Variants in COBLL1 observed in about 807,000 individuals in gnomAD.
COBLL1 encodes cordon-bleu protein-like 1.
COBLL1 carries 50 observed loss-of-function variants against 94.8 expected under a neutral mutation model. The ratio of observed to expected loss-of-function variants is 0.53; its 90% CI spans 0.42 to 0.67. The LOEUF (loss-of-function observed/expected upper bound fraction) is 0.67. Ranked by LOEUF, COBLL1 falls within the 30% of genes least tolerant of loss-of-function variation. The pLI is 0.00. For synonymous variants in COBLL1, 448 were observed against 473.8 expected, an observed-to-expected ratio of 0.95 and a Z score of 0.71; for missense variants, 1,362 against 1,348.7, an observed-to-expected ratio of 1.01 and a Z score of -0.15.
At chr2:164,697,393 G>A (rs1314757754) in intron 11 of COBLL1, 1 of 151,990 alleles carries the variant, frequency 6.6e-6, no homozygotes, top group Admixed American at 6.6e-5. Context: ...CATAGAAGAG[G>A]CACATTTCTG....
chr2:164,803,793 C>A (rs1683947893), intron 2 of COBLL1, among the ~76,000 whole-genome samples: 2 of 151,898 alleles, frequency 1.3e-5, no homozygotes, highest in South Asian at 2.1e-4. Flanking sequence ...GTAGTAAGCC[C>A]TAGAGGTACT....
Position 164,694,642 on chromosome 2 carries a change from GAA to G in COBLL1, c.2748_2749del (p.Pro918LeufsTer3). The G allele has an allele frequency of 1.2e-6, 2 of 1,613,852 alleles. No individual in the cohort carries two copies. The highest frequency in any genetic ancestry group is 8.5e-7 in the Non-Finnish European group (1 of 1,179,948). On this transcript the variant is annotated frameshift_variant, in exon 12 of 14. Coordinates refer to ENST00000652658, the MANE Select transcript of COBLL1 (RefSeq NM_001365672.2). LOFTEE classifies it high-confidence loss of function. ...AGAGTGAGGCATTTTACTTAAGGGAGAAAGAGTCTGCTCCGGAGAAGGCAGCA... is the reference window on the plus strand; with the variant it reads ...AGAGTGAGGCATTTTACTTAAGGGAGAGAGTCTGCTCCGGAGAAGGCAGCA...
At chr2:164,662,771 A>C (rs1431157041) in intron 2 of COBLL1, among the ~76,000 whole-genome samples, 1 of 152,044 alleles carries the variant, frequency 6.6e-6, no homozygotes. Context: ...AACTCCCCTC[A>C]CATTCTCTCT....
At chr2:164,693,230 T>C (rs1444567854) in intron 12 of COBLL1, among the ~76,000 whole-genome samples, 4 of 152,150 alleles carry the variant, frequency 2.6e-5, no homozygotes, top group African/African-American at 9.6e-5. Context: ...ACAGGCTTTG[T>C]GCCCAAGTAA....
chr2:164,700,797 C>T (rs756202894), intron 9 of COBLL1, 41 bp from the exon 10 acceptor site: 13 of 1,241,532 alleles, frequency 1.0e-5, no homozygotes, highest in African/African-American at 1.5e-5. Context: ...ATTAATTTGC[C>T]TCATTCATCA....
chr2:164,841,755 C>A lies in COBLL1; in HGVS notation c.-96G>T. 1.9e-6 allele frequency: 1 copy of A among 537,270 alleles called. No homozygotes were observed. Among genetic ancestry groups the A allele is most frequent in the Non-Finnish European group, 3.3e-6 (1 of 307,412 alleles). The allele number at this position is 537,270 out of a possible 1,614,324, so 33.3% of individuals were successfully genotyped here. A position where few individuals can be genotyped will look rare whatever the true frequency, so the allele number is the denominator to read the frequency against. On this transcript the variant is annotated 5_prime_UTR_variant, in exon 1 of 14. Transcript: ENST00000652658. The surrounding 1 kb of genome is among the most constrained non-coding windows in gnomAD (Gnocchi z 5.5). Reference sequence around the variant, plus strand: ...GTAGCTCGCCTGTTCTCCCTCGCGGCTTCCTCTCCTACTCTTCCCTTCCCC... The same window carrying A: ...GTAGCTCGCCTGTTCTCCCTCGCGGATTCCTCTCCTACTCTTCCCTTCCCC...
chr2:164,815,370 G>T (rs1372796026), intron 2 of COBLL1, among the ~76,000 whole-genome samples: 1 of 147,728 alleles, frequency 6.8e-6, no homozygotes, highest in Non-Finnish European at 1.5e-5. Context: ...CTGCACTCCA[G>T]CCTGGGGGAC....
In COBLL1 at chr2:164,759,776, C is replaced by T. The variant is rs916140613; in HGVS notation, c.42-15901G>A. 2.6e-5 allele frequency among the ~76,000 whole-genome samples: 4 copies of T among 152,146 alleles called. No individual in the cohort carries two copies. In the South Asian group the frequency reaches 8.3e-4, roughly 32 times the overall value. On this transcript the variant is annotated intron_variant, in intron 2 of 13. Coordinates refer to ENST00000652658, the MANE Select transcript of COBLL1 (RefSeq NM_001365672.2). The stretch of plus-strand genomic sequence containing the variant: ...TGTAAACTCGTTACCAACGAGGGTA[C>T]ACGAATGGCAAATAGACACACAAAA...
At position 164,841,023 on chromosome 2, in the gene COBLL1, GC is replaced by G; in HGVS notation, c.41+132del. 2.0e-6 allele frequency: 2 copies of G among 986,252 alleles called. No individual in the cohort carries two copies. The highest frequency in any genetic ancestry group is 2.6e-6 in the Non-Finnish European group (2 of 766,400). The allele number at this position is 986,252 out of a possible 1,614,324, so 61.1% of individuals were successfully genotyped here. On this transcript the variant is annotated intron_variant, in intron 2 of 13. Coordinates refer to ENST00000652658, the MANE Select transcript of COBLL1 (RefSeq NM_001365672.2). This position sits in a 1 kb window ranked among gnomAD's most constrained non-coding sequence, Gnocchi z 5.5. Reference sequence around the variant, plus strand: ...CCGGGAGGAAGCAGCCTCCCCGGCCGCGTGGAGGACAGTCAGTGAGTCAGGC... The same window carrying G: ...CCGGGAGGAAGCAGCCTCCCCGGCCGGTGGAGGACAGTCAGTGAGTCAGGC...
chr2:164,795,832 A>G (rs1470504637), intron 2 of COBLL1, among the ~76,000 whole-genome samples: 1 of 152,216 alleles, frequency 6.6e-6, no homozygotes, highest in Non-Finnish European at 1.5e-5. Flanking sequence ...AAAAGTGCAT[A>G]AAGTTTTTCT....
At chr2:164,754,372 T>C (rs1474007933) in intron 2 of COBLL1, among the ~76,000 whole-genome samples, 3 of 152,218 alleles carry the variant, frequency 2.0e-5, no homozygotes, top group African/African-American at 7.2e-5. Context: ...GCAACAGTGA[T>C]TGGCTGTCAT....
intron 13 of COBLL1, among the ~76,000 whole-genome samples, chr2:164,689,770 G>A (rs1683496859): frequency 6.6e-6 from 1 of 151,910 alleles, no homozygotes; most frequent in African/African-American, 2.4e-5. Context: ...CATTTATCTG[G>A]ATTACTTAGC....
intron 2 of COBLL1, among the ~76,000 whole-genome samples, chr2:164,769,858 G>A (rs1448138557): frequency 6.6e-6 from 1 of 152,076 alleles, no homozygotes; most frequent in Non-Finnish European, 1.5e-5. Context: ...TACAATTCCT[G>A]TATTCAAAGA....
intron 2 of COBLL1, among the ~76,000 whole-genome samples, chr2:164,801,570 A>C (rs1384448645): frequency 6.6e-6 from 1 of 151,140 alleles, no homozygotes; most frequent in African/African-American, 2.4e-5. Context: ...CTAAGCTATG[A>C]TCACACCACT....
chr2:164,743,596 T>G (rs1212216631), intron 3 of COBLL1, 91 bp downstream of exon 3: 1 of 1,045,074 alleles, frequency 9.6e-7, no homozygotes, highest in Non-Finnish European at 1.5e-6. Context: ...AAGTGTTTTG[T>G]CAAAGAACAA....
At chr2:164,718,840 T>C (rs1045217443) in intron 7 of COBLL1, among the ~76,000 whole-genome samples, 1 of 152,146 alleles carries the variant, frequency 6.6e-6, no homozygotes, top group East Asian at 1.9e-4. Context: ...TCTGAAAAGA[T>C]ACAGAACACA....
intron 2 of COBLL1, among the ~76,000 whole-genome samples, chr2:164,747,955 C>T (rs1028871477): frequency 4.6e-5 from 7 of 151,834 alleles, no homozygotes; most frequent in Admixed American, 1.3e-4. Context: ...TAATACAAAA[C>T]GAAAAAGAAG....
At chr2:164,805,347 A>ATATATATATATATT (rs1684081480) in intron 2 of COBLL1, among the ~76,000 whole-genome samples, 1 of 109,222 alleles carries the variant, frequency 9.2e-6, no homozygotes, top group African/African-American at 3.6e-5. Context: ...CTATATATAT[A>ATATATATATATATT]TATATATATA....
At chr2:164,737,130 C>A (rs1227268463) in intron 3 of COBLL1, among the ~76,000 whole-genome samples, 1 of 152,056 alleles carries the variant, frequency 6.6e-6, no homozygotes, top group Non-Finnish European at 1.5e-5. Context: ...CCACTGCACT[C>A]CAGCCTGGGC....
Sources: allele counts gnomAD v4.1 joint callset (sites outside exome capture counted in the v4.1 genomes callset), GRCh38; gene constraint gnomAD v4.1.1; non-coding constraint Gnocchi (gnomAD v3.1); transcripts MANE v1.5; gene names NCBI Gene and HGNC (gene_info 2026-07-23, HGNC 2026-07-21).